BMAL1: variants seen among roughly 807,000 people sequenced by gnomAD.
BMAL1 encodes the protein basic helix-loop-helix ARNT like 1.
At chr11:13,375,789 T>G in the BMAL1 span, 1 of 1,515,870 alleles carries the variant, frequency 6.6e-7, no homozygotes, top group Non-Finnish European at 8.8e-7. Context: ...TATCTGAAGC[T>G]CCCCTTGCTT....
chr11:13,354,200 G>GCCCCCCCCCCCAAA, the BMAL1 span: 3 of 364,710 alleles, frequency 8.2e-6, no homozygotes, highest in South Asian at 2.0e-5. Flanking sequence ...TCCCCCCCCG[G>GCCCCCCCCCCCAAA]CCCCCCACCA....
At chr11:13,354,212 CA>C in the BMAL1 span, 3 of 1,156,926 alleles carry the variant, frequency 2.6e-6, no homozygotes, top group South Asian at 1.5e-5. Flanking sequence ...CCCCCACCAC[CA>C]AACCCCCAAG....
At chr11:13,356,022 T>A in the BMAL1 span, among the ~76,000 whole-genome samples, 1 of 152,124 alleles carries the variant, frequency 6.6e-6, no homozygotes, top group Non-Finnish European at 1.5e-5. Flanking sequence ...CCTCTGGGGA[T>A]TTCAGTCTGT....
chr11:13,354,525 T>G, the BMAL1 span: 1 of 1,544,200 alleles, frequency 6.5e-7, no homozygotes, highest in Non-Finnish European at 8.8e-7. Flanking sequence ...AGCAGCCAGC[T>G]ACTGTTTCAT....
At chr11:13,309,660 G>T in the BMAL1 span, among the ~76,000 whole-genome samples, 1 of 152,144 alleles carries the variant, frequency 6.6e-6, no homozygotes, top group Non-Finnish European at 1.5e-5. Flanking sequence ...GGGGGTATGG[G>T]ACGGGGTGAA....
At chr11:13,314,489 T>G in the BMAL1 span, among the ~76,000 whole-genome samples, 2 of 152,236 alleles carry the variant, frequency 1.3e-5, no homozygotes, top group East Asian at 3.8e-4. Flanking sequence ...GGCTTGAGTT[T>G]GTGACGCCTG....
At chr11:13,323,098 T>A in the BMAL1 span, among the ~76,000 whole-genome samples, 37,584 of 151,302 alleles carry the variant, frequency 0.25, 4,804 homozygotes, top group East Asian at 0.39. Context: ...CACCCAGCCG[T>A]TGTGAGCAAG....
At chr11:13,290,840 C>G in the BMAL1 span, among the ~76,000 whole-genome samples, 6 of 152,190 alleles carry the variant, frequency 3.9e-5, no homozygotes, top group Non-Finnish European at 1.5e-5. Flanking sequence ...TCTTCTTTCT[C>G]TCTTTTCCTG....
chr11:13,301,951 A>C, the BMAL1 span, among the ~76,000 whole-genome samples: 87,954 of 152,160 alleles, frequency 0.58, 27,731 homozygotes, highest in Non-Finnish European at 0.71. Context: ...CTCTGTGCTT[A>C]CGACCATGAA....
the BMAL1 span, among the ~76,000 whole-genome samples, chr11:13,325,782 CCAT>C: frequency 6.6e-6 from 1 of 151,726 alleles, no homozygotes; most frequent in African/African-American, 2.4e-5. Context: ...ACATTATTTC[CCAT>C]CTTGATGAGG....
the BMAL1 span, among the ~76,000 whole-genome samples, chr11:13,378,079 G>A: frequency 2.0e-5 from 3 of 151,934 alleles, no homozygotes; most frequent in East Asian, 5.8e-4. Flanking sequence ...TTCAATAAAC[G>A]TTTTTTTTCA....
the BMAL1 span, chr11:13,378,176 G>A: frequency 1.6e-6 from 1 of 617,062 alleles, no homozygotes; most frequent in African/African-American, 2.0e-5. Flanking sequence ...TTCCCTGCTG[G>A]AATGCCTTTT....
the BMAL1 span, among the ~76,000 whole-genome samples, chr11:13,294,073 C>A: frequency 6.6e-6 from 1 of 151,420 alleles, no homozygotes; most frequent in Non-Finnish European, 1.5e-5. Flanking sequence ...TTTTTTTTTC[C>A]TTTTGGTAGG....
At chr11:13,295,889 C>A in the BMAL1 span, among the ~76,000 whole-genome samples, 5 of 152,320 alleles carry the variant, frequency 3.3e-5, no homozygotes, top group Middle Eastern at 6.8e-3. Context: ...CTCCTCCTTG[C>A]CTCCCTCTCA....
At chr11:13,345,575 T>C in the BMAL1 span, among the ~76,000 whole-genome samples, 137 of 152,336 alleles carry the variant, frequency 9.0e-4, no homozygotes, top group African/African-American at 3.2e-3. Flanking sequence ...CTCTGTATTA[T>C]ACTTTGGGGG....
the BMAL1 span, among the ~76,000 whole-genome samples, chr11:13,312,744 C>T: frequency 6.6e-6 from 1 of 152,166 alleles, no homozygotes; most frequent in Non-Finnish European, 1.5e-5. Context: ...AGCATCGTAG[C>T]ACAGAATCTG....
At chr11:13,281,459 G>A in the BMAL1 span, among the ~76,000 whole-genome samples, 1 of 152,158 alleles carries the variant, frequency 6.6e-6, no homozygotes, top group Non-Finnish European at 1.5e-5. Flanking sequence ...TTTGTCGTGA[G>A]TTCCTGGGGC....
the BMAL1 span, among the ~76,000 whole-genome samples, chr11:13,311,041 G>A: frequency 6.6e-6 from 1 of 152,242 alleles, no homozygotes; most frequent in Non-Finnish European, 1.5e-5. Context: ...AGAGGCAGGA[G>A]TCAAAGAGGA....
the BMAL1 span, chr11:13,356,198 A>G: frequency 4.4e-6 from 2 of 449,544 alleles, no homozygotes; most frequent in East Asian, 1.4e-4. Flanking sequence ...TGAGAAGCAG[A>G]ATATTTGGCA....
Sources: allele counts gnomAD v4.1 joint callset (sites outside exome capture counted in the v4.1 genomes callset), GRCh38; gene constraint gnomAD v4.1.1; transcripts MANE v1.5; gene names NCBI Gene and HGNC (gene_info 2026-07-23, HGNC 2026-07-21).